The following PTK2 variants were observed in gnomAD, a reference collection of about 807,000 sequenced individuals.
PTK2 encodes protein tyrosine kinase 2.
PTK2 carries 45 observed loss-of-function variants against 150.1 expected under a neutral mutation model. The ratio of observed to expected loss-of-function variants is 0.30; its 90% confidence interval spans 0.24 to 0.38. The LOEUF is 0.38. Among genes scored for constraint, PTK2 ranks in the 10% least tolerant of loss-of-function variants. The pLI is 1.00. For synonymous variants in PTK2, 432 were observed against 449.2 expected (o/e 0.96, Z 0.48); for missense variants, 919 against 1,307.3 (o/e 0.70, Z 4.58).
chr8:140,872,700 C>T (rs1188897470), intron 4 of PTK2, among the ~76,000 whole-genome samples: 8 of 152,214 alleles, frequency 5.3e-5, no homozygotes, highest in Admixed American at 5.2e-4. Flanking sequence ...TCTGGGCCTT[C>T]CAGTGACTTC....
intron 27 of PTK2, among the ~76,000 whole-genome samples, chr8:140,682,772 A>G (rs1355495026): frequency 6.6e-6 from 1 of 152,228 alleles, no homozygotes; most frequent in Non-Finnish European, 1.5e-5. Context: ...ACTTCTGGGT[A>G]AGGCAGAAAT....
At chr8:140,717,150 C>T (rs549367841) in intron 23 of PTK2, among the ~76,000 whole-genome samples, 2 of 152,210 alleles carry the variant, frequency 1.3e-5, no homozygotes, top group African/African-American at 4.8e-5. Context: ...AAGAAAAAGG[C>T]AAAAAATGTG....
chr8:140,760,117 G>A (rs1011125965), intron 16 of PTK2, among the ~76,000 whole-genome samples: 1 of 151,900 alleles, frequency 6.6e-6, no homozygotes, highest in Admixed American at 6.6e-5. Flanking sequence ...AGCTGCTCAG[G>A]AGGCTGAGGC....
chr8:140,845,019 G>A (rs865855126), intron 7 of PTK2, among the ~76,000 whole-genome samples: 1 of 152,002 alleles, frequency 6.6e-6, no homozygotes, highest in African/African-American at 2.4e-5. Flanking sequence ...TCAGCCTCCA[G>A]TCAGACTCTA....
intron 5 of PTK2, among the ~76,000 whole-genome samples, chr8:140,849,175 T>C (rs529811514): frequency 2.6e-5 from 4 of 152,334 alleles, no homozygotes; most frequent in South Asian, 2.1e-4. Context: ...TGTGGCCCGA[T>C]GTGATCAAAG....
Position 140,750,795 on chromosome 8 carries a change from A to G in PTK2, c.1417+1437T>C, listed in dbSNP as rs934963899. ...CAGAGGAATGGAGGTGGAGAAAATT[A>G]TTTCTAAGGGCTGGGCACAGTGGCT... On this transcript the variant is annotated intron_variant, in intron 17 of 31. Transcript: ENST00000522684. Among the ~76,000 whole-genome samples the G allele has an allele frequency of 7.9e-5, 12 of 152,290 alleles. No homozygotes were observed. In the East Asian group the frequency reaches 2.3e-3, roughly 29 times the overall value.
chr8:140,695,286 T>G lies in PTK2; in HGVS notation c.2499+5605A>C, dbSNP rs1048535019. 5.9e-5 allele frequency among the ~76,000 whole-genome samples: 9 copies of G among 152,284 alleles called. No homozygotes were observed. The South Asian group carries it at 1.9e-3, about 32-fold the overall frequency. On this transcript the variant is annotated intron_variant, in intron 26 of 31. Transcript: ENST00000522684. Reference sequence around the variant, plus strand: ...GTCCGTCTTCTCTGCTCCTTCCCACTTTGCCTCTTCCAGCTTAGACCCTGC... The same window carrying G: ...GTCCGTCTTCTCTGCTCCTTCCCACGTTGCCTCTTCCAGCTTAGACCCTGC...
intron 10 of PTK2, among the ~76,000 whole-genome samples, chr8:140,806,231 G>A (rs879103734): frequency 2.6e-5 from 4 of 152,254 alleles, no homozygotes; most frequent in Admixed American, 6.5e-5. Flanking sequence ...TGCAACTTAC[G>A]CGTAATGCAA....
chr8:140,818,625 C>A (rs1283698508), intron 9 of PTK2, among the ~76,000 whole-genome samples: 2 of 152,128 alleles, frequency 1.3e-5, no homozygotes, highest in East Asian at 1.9e-4. Flanking sequence ...CCTTAGAGAA[C>A]AATTAACAAA....
intron 7 of PTK2, chr8:140,832,997 T>C (rs763806423): frequency 1.9e-6 from 1 of 518,998 alleles, no homozygotes; most frequent in Non-Finnish European, 3.8e-6. Flanking sequence ...CATCTATTTT[T>C]CTCAGAGCCA....
intron 1 of PTK2, among the ~76,000 whole-genome samples, chr8:140,946,257 AAAAC>A (rs1297247276): frequency 1.3e-5 from 2 of 152,224 alleles, no homozygotes; most frequent in Non-Finnish European, 2.9e-5. Flanking sequence ...GAAAACAAGA[AAAAC>A]AAAGCTGAAC....
rs1181421194 is a variant in PTK2 at position 140,693,564 on chromosome 8, T to TTAAAAAAAAAAAAAAAAAAAAAAAAA, written c.2500-6871_2500-6870insTTTTTTTTTTTTTTTTTTTTTTTTTA. ...CCACAGAGTGAGACTTTGTCTCAATTAAAAAAAAAAAAAAAAAAAAAAAAA... is the reference window on the plus strand; with the variant it reads ...CCACAGAGTGAGACTTTGTCTCAATTTAAAAAAAAAAAAAAAAAAAAAAAAAAAAAAAAAAAAAAAAAAAAAAAAAA... On this transcript the variant is annotated intron_variant, in intron 26 of 31. Coordinates refer to ENST00000522684, the Ensembl canonical transcript of PTK2. Among the ~76,000 whole-genome samples the TTAAAAAAAAAAAAAAAAAAAAAAAAA allele has an allele frequency of 2.8e-5, 2 of 72,458 alleles. 1 individual carries two copies. 47.5% of individuals were successfully genotyped at this position (72,458 alleles called of 152,430 possible).
chr8:140,811,532 C>T (rs997242510), intron 10 of PTK2, among the ~76,000 whole-genome samples: 12 of 152,162 alleles, frequency 7.9e-5, no homozygotes, highest in African/African-American at 2.9e-4. Flanking sequence ...ATGACCGCAC[C>T]ACCTCTCCAG....
intron 3 of PTK2, among the ~76,000 whole-genome samples, chr8:140,882,771 G>C (rs1468809371): frequency 6.6e-6 from 1 of 152,160 alleles, no homozygotes; most frequent in African/African-American, 2.4e-5. Context: ...CCTTCTAGCT[G>C]TCATCAAAGG....
intron 28 of PTK2, 58 bp from the exon 32 acceptor site, chr8:140,674,462 G>C (rs2100012415): frequency 2.8e-6 from 4 of 1,448,010 alleles, no homozygotes; most frequent in Non-Finnish European, 3.8e-6. Context: ...TTAAGAGGCT[G>C]GGGGCAGTGG....
intron 8 of PTK2, among the ~76,000 whole-genome samples, chr8:140,823,215 A>ATGAC (rs1340782321): frequency 6.6e-6 from 1 of 152,230 alleles, no homozygotes; most frequent in Non-Finnish European, 1.5e-5. Flanking sequence ...ATATTCATTC[A>ATGAC]TGACTCTAAG....
At chr8:140,871,246 A>G (rs2100142344) in intron 4 of PTK2, among the ~76,000 whole-genome samples, 1 of 152,258 alleles carries the variant, frequency 6.6e-6, no homozygotes. Flanking sequence ...CACTAAATAA[A>G]AAAATCTGAT....
intron 12 of PTK2, among the ~76,000 whole-genome samples, chr8:140,797,717 G>C (rs1369418022): frequency 6.6e-6 from 1 of 152,198 alleles, no homozygotes; most frequent in Non-Finnish European, 1.5e-5. Context: ...ATGCCCTACA[G>C]AAAGGGCCAA....
At chr8:140,991,354 A>G (rs2100195631) in intron 1 of PTK2, among the ~76,000 whole-genome samples, 3 of 152,348 alleles carry the variant, frequency 2.0e-5, no homozygotes, top group South Asian at 2.1e-4. Flanking sequence ...CACTCTCCTG[A>G]TATTTGCCAA....
Sources: gnomAD v4.1 joint callset for allele counts (sites outside exome capture counted in the v4.1 genomes callset) on GRCh38, gnomAD v4.1.1 for gene constraint, MANE v1.5 for transcripts, NCBI Gene and HGNC (gene_info 2026-07-23, HGNC 2026-07-21) for gene names.